KL: variants seen among roughly 807,000 people sequenced by gnomAD.
KL encodes the protein klotho, also known as alpha-klotho.
Under a neutral mutation model 84.2 loss-of-function variants are expected in KL, and 62 were observed. That is an observed-to-expected ratio of 0.74 (90% confidence interval 0.60 to 0.91). The LOEUF is 0.91. KL is among the 40% of genes least tolerant of loss of function. KL has a pLI of 0.00. For missense variants in KL, 1,261 were observed against 1,305.7 expected, an observed-to-expected ratio of 0.97 and a Z score of 0.53; for synonymous variants, 528 against 528.0, an observed-to-expected ratio of 1.00 and a Z score of 0.00.
intron 1 of KL, among the ~76,000 whole-genome samples, chr13:33,052,839 C>CT (rs1256696547): frequency 6.6e-6 from 1 of 152,006 alleles, no homozygotes; most frequent in African/African-American, 2.4e-5. Context: ...ATAAACAACA[C>CT]TTGTATTTGT....
intron 1 of KL, among the ~76,000 whole-genome samples, chr13:33,045,939 G>A (rs1214043739): frequency 6.6e-6 from 1 of 152,088 alleles, no homozygotes; most frequent in Non-Finnish European, 1.5e-5. Context: ...TTGATGTAAT[G>A]CATTACAACG....
Position 33,061,120 on chromosome 13 carries a change from G to T in KL, c.2041G>T (p.Val681Phe), listed in dbSNP as rs757477654. The T allele has an allele frequency of 1.2e-6, 2 of 1,614,122 alleles. No individual in the cohort carries two copies. ...RLCFQELGHH[V>F]KLWITMNEPY... ...GTGCTTTCAAGAGCTCGGCCATCAC[G>T]TCAAGCTTTGGATAACGATGAATGA... is the stretch of plus-strand genomic sequence containing the variant. The change falls in exon 4 of 5, where the codon GTC (valine) becomes TTC (phenylalanine). Residue 681 changes from valine to phenylalanine, a missense_variant. Physicochemically the swap from Val to Phe is conservative, Grantham distance 50 (BLOSUM62 -1). Transcript: ENST00000380099.
In KL at chr13:33,064,040, G is replaced by A. The variant is rs1872315064; in HGVS notation, c.2893G>A (p.Glu965Lys). 6.2e-7 allele frequency: 1 copy of A among 1,614,082 alleles called. No homozygotes were observed. The highest frequency in any genetic ancestry group is 1.3e-5 in the African/African-American group (1 of 74,932). ...AGAAACTCTGGAAAGATTTTGTCCA[G>A]AAGAATTCACCGTGTGTACTGAGTG... Reference protein sequence around the residue: ...GPETLERFCPEEFTVCTECSF... With the variant: ...GPETLERFCPKEFTVCTECSF... Residue 965 changes from glutamate (E) to lysine (K), a missense_variant, in exon 5 of 5, where the codon GAA (glutamate) becomes AAA (lysine). By Grantham distance (56) the Glu-to-Lys change is moderately conservative. Coordinates refer to ENST00000380099, the MANE Select transcript of KL (RefSeq NM_004795.4).
intron 1 of KL, among the ~76,000 whole-genome samples, chr13:33,024,407 G>C (rs1237153387): frequency 6.6e-6 from 1 of 152,174 alleles, no homozygotes; most frequent in Non-Finnish European, 1.5e-5. Flanking sequence ...AGCGGGGAGG[G>C]TTTAGGGTTG....
At chr13:33,054,947 A>C in intron 2 of KL, 100 bp from the exon 3 acceptor site, 1 of 1,461,748 alleles carries the variant, frequency 6.8e-7, no homozygotes. Context: ...GAAGCATTAC[A>C]CTTTATTTAT....
In KL at chr13:33,060,869, T is replaced by C. The variant is rs1168205067; in HGVS notation, c.1790T>C (p.Leu597Pro). 6.2e-7 allele frequency: 1 copy of C among 1,614,210 alleles called. No homozygotes were observed. The highest frequency in any genetic ancestry group is 1.7e-5 in the Admixed American group (1 of 60,032). The change falls in exon 4 of 5, where the codon CTG becomes CCG. Residue 597 changes from leucine (L) to proline (P), a missense_variant. By Grantham distance (98) the Leu-to-Pro change is moderately conservative. Coordinates refer to ENST00000380099, the MANE Select transcript of KL (RefSeq NM_004795.4). Reference protein sequence around the residue: ...EMHVTHFRFSLDWALILPLGN... With the variant: ...EMHVTHFRFSPDWALILPLGN... ...CACGTTACACATTTTCGCTTCTCCC[T>C]GGACTGGGCCCTGATTCTCCCTCTG...
intron 1 of KL, among the ~76,000 whole-genome samples, chr13:33,026,793 A>G (rs1870794859): frequency 6.6e-6 from 1 of 152,160 alleles, no homozygotes; most frequent in African/African-American, 2.4e-5. Flanking sequence ...CATATTCCTG[A>G]GGGTGCAGTG....
At chr13:33,045,187 G>A (rs763297962) in intron 1 of KL, among the ~76,000 whole-genome samples, 1 of 152,120 alleles carries the variant, frequency 6.6e-6, no homozygotes, top group Non-Finnish European at 1.5e-5. Context: ...ACTGACTATT[G>A]TGTGTTGATC....
intron 1 of KL, among the ~76,000 whole-genome samples, chr13:33,033,880 C>A (rs535620432): frequency 6.6e-6 from 1 of 152,014 alleles, no homozygotes; most frequent in South Asian, 2.1e-4. Context: ...CCAATAAGAT[C>A]ATTTTTTTAA....
chr13:33,043,183 T>C (rs1002690533), intron 1 of KL, among the ~76,000 whole-genome samples: 1 of 152,090 alleles, frequency 6.6e-6, no homozygotes, highest in Admixed American at 6.5e-5. Context: ...CATCAATGTA[T>C]GAAATTTCCG....
At chr13:33,018,642 A>G (rs1050789541) in intron 1 of KL, among the ~76,000 whole-genome samples, 7 of 152,210 alleles carry the variant, frequency 4.6e-5, no homozygotes, top group East Asian at 1.9e-4. Flanking sequence ...GAAAAACTCT[A>G]AAGACCACCA....
Position 33,017,166 on chromosome 13 carries a change from G to C in KL, c.726G>C (p.Val242=). 1 of 1,600,826 alleles carries C rather than the reference G, an allele frequency of 6.2e-7. No individual in the cohort carries two copies. The highest frequency in any genetic ancestry group is 8.5e-7 in the Non-Finnish European group (1 of 1,179,748). The stretch of plus-strand genomic sequence containing the variant: ...GGATCACCATCGACAACCCCTACGT[G>C]GTGGCCTGGCACGGCTACGCCACCG... ...KYWITIDNPY[V]VAWHGYATGR... The change falls in exon 1 of 5, where the codon GTG becomes GTC. Residue 242 remains valine (V), a synonymous_variant. Coordinates refer to ENST00000380099, the MANE Select transcript of KL (RefSeq NM_004795.4).
Position 33,064,094 on chromosome 13 carries a change from C to G in KL, c.2947C>G (p.Leu983Val). The G allele has an allele frequency of 6.2e-7, 1 of 1,613,978 alleles. No individual in the cohort carries two copies. The highest frequency in any genetic ancestry group is 8.5e-7 in the Non-Finnish European group (1 of 1,179,834). Residue 983 changes from leucine to valine, a missense_variant, in exon 5 of 5, where the codon CTG (leucine) becomes GTG (valine). By Grantham distance (32) the Leu-to-Val change is conservative. Coordinates refer to ENST00000380099, the MANE Select transcript of KL (RefSeq NM_004795.4). ...CSFFHTRKSL[L>V]AFIAFLFFAS... ...TTTTTTTCACACCCGAAAGTCTTTA[C>G]TGGCTTTCATAGCTTTTCTATTTTT...
chr13:33,016,545 G>A lies in KL; in HGVS notation c.105G>A (p.Pro35=), dbSNP rs1184116497. The part of the protein sequence containing the change: ...GLGGRRLRAE[P]GDGAQTWARF... The stretch of plus-strand genomic sequence containing the variant: ...GCGGCCGCCGCCTGCGTGCGGAGCC[G>A]GGCGACGGCGCGCAGACCTGGGCCC... Residue 35 remains proline (P), a synonymous_variant, in exon 1 of 5, where the codon CCG becomes CCA. Transcript: ENST00000380099. 6 of 1,399,144 alleles carry A rather than the reference G, an allele frequency of 4.3e-6. No homozygotes were observed. The highest frequency in any genetic ancestry group is 3.3e-5 in the Admixed American group (1 of 30,300). 86.7% of individuals were successfully genotyped at this position (1,399,144 alleles called of 1,614,324 possible). A position where few individuals can be genotyped will look rare whatever the true frequency, so the allele number is the denominator to read the frequency against.
At chr13:33,030,038 C>T (rs1353853713) in intron 1 of KL, among the ~76,000 whole-genome samples, 1 of 151,942 alleles carries the variant, frequency 6.6e-6, no homozygotes, top group East Asian at 1.9e-4. Context: ...GCTGCTTTCT[C>T]CCATGGTGGA....
At chr13:33,025,114 T>C (rs951322457) in intron 1 of KL, among the ~76,000 whole-genome samples, 6 of 152,158 alleles carry the variant, frequency 3.9e-5, no homozygotes, top group Non-Finnish European at 8.8e-5. Context: ...GGAGAGGTAA[T>C]TGTCAAATAA....
intron 3 of KL, among the ~76,000 whole-genome samples, chr13:33,060,420 T>A (rs1210691661): frequency 6.6e-6 from 1 of 152,202 alleles, no homozygotes; most frequent in African/African-American, 2.4e-5. Context: ...TCATCTGAAG[T>A]GACCAAATCC....
At chr13:33,021,932 G>A (rs1870590876) in intron 1 of KL, among the ~76,000 whole-genome samples, 1 of 152,188 alleles carries the variant, frequency 6.6e-6, no homozygotes, top group African/African-American at 2.4e-5. Context: ...TGGATTGAAA[G>A]TTAATATAAA....
Position 33,060,697 on chromosome 13 carries a change from C to T in KL, c.1618C>T (p.Gln540Ter), listed in dbSNP as rs951716681. The part of the protein sequence containing the change: ...NYIQVDTTLS[Q>*]FTDLNVYLWD... ...TTCACAGGTAGATACCACTCTGTCTCAGTTTACCGACCTGAATGTTTACCT... is the reference window on the plus strand; with the variant it reads ...TTCACAGGTAGATACCACTCTGTCTTAGTTTACCGACCTGAATGTTTACCT... The change falls in exon 4 of 5, where the codon CAG becomes TAG. Residue 540 changes from glutamine to a stop codon, truncating the protein, a stop_gained. Coordinates refer to ENST00000380099, the MANE Select transcript of KL (RefSeq NM_004795.4). LOFTEE classifies it high-confidence loss of function. 4 of 1,614,118 alleles carry T rather than the reference C, an allele frequency of 2.5e-6. No homozygotes were observed. Among genetic ancestry groups the T allele is most frequent in the Non-Finnish European group, 3.4e-6 (4 of 1,180,042 alleles).
Sources: allele counts gnomAD v4.1 joint callset (sites outside exome capture counted in the v4.1 genomes callset), GRCh38; gene constraint gnomAD v4.1.1; transcripts MANE v1.5; gene names NCBI Gene and HGNC (gene_info 2026-07-23, HGNC 2026-07-21).